The following UFC1 variants were observed in gnomAD, a reference collection of about 807,000 sequenced individuals.
UFC1 encodes ubiquitin-fold modifier conjugating enzyme 1.
In UFC1, 22 loss-of-function variants were observed where a neutral mutation model predicts 28.0. The ratio of observed to expected loss-of-function variants is 0.78; its 90% CI spans 0.56 to 1.12. UFC1 has a LOEUF of 1.12. UFC1 is among the 50% of genes most tolerant of loss of function. UFC1 has a pLI of 0.00. For synonymous variants in UFC1, 61 were observed against 74.5 expected (o/e 0.82, Z 0.93); for missense variants, 189 against 207.8 (o/e 0.91, Z 0.56).
intron 1 of UFC1, among the ~76,000 whole-genome samples, chr1:161,156,423 C>T (rs1233557373): frequency 8.6e-5 from 13 of 150,956 alleles, no homozygotes; most frequent in Admixed American, 8.6e-4. Context: ...CCTGTAGTTC[C>T]AGCTACTTGA....
At position 161,158,657 on chromosome 1, in the gene UFC1, C is replaced by A. The variant is rs1012791872; in HGVS notation, c.*165C>A. 2.9e-6 allele frequency: 2 copies of A among 689,942 alleles called. No individual in the cohort carries two copies. The highest frequency in any genetic ancestry group is 3.5e-5 in the African/African-American group (2 of 56,770). The allele number at this position is 689,942 out of a possible 1,614,324, so 42.7% of individuals were successfully genotyped here. A position where few individuals can be genotyped will look rare whatever the true frequency, so the allele number is the denominator to read the frequency against. On this transcript the variant is annotated 3_prime_UTR_variant, in exon 6 of 6. Transcript: ENST00000368003. ...TTGCTGGGGAAGAAACAAACACACA[C>A]CAAACAGTACTGCTACTTAGTTTCT...
At position 161,154,097 on chromosome 1, in the gene UFC1, G is replaced by A. The variant is rs1657438212; in HGVS notation, c.100G>A (p.Glu34Lys). ...TGAGTTGTGGGTGCAGCGACTGAAGGAGGAATATCAGTCCCTTATCCGGGT... is the reference window on the plus strand; with the variant it reads ...TGAGTTGTGGGTGCAGCGACTGAAGAAGGAATATCAGTCCCTTATCCGGGT... ...DRELWVQRLKEEYQSLIRYVE... is the reference protein window; with the variant it reads ...DRELWVQRLKKEYQSLIRYVE... The change falls in exon 1 of 6, where the codon GAG becomes AAG. Residue 34 changes from glutamate to lysine, a missense_variant. Physicochemically the swap from Glu to Lys is moderately conservative, Grantham distance 56. Coordinates refer to ENST00000368003, the MANE Select transcript of UFC1 (RefSeq NM_016406.4). The A allele has an allele frequency of 1.2e-6, 2 of 1,614,114 alleles. No homozygotes were observed. The highest frequency in any genetic ancestry group is 1.7e-6 in the Non-Finnish European group (2 of 1,180,016).
intron 1 of UFC1, 100 bp downstream of exon 1, chr1:161,154,220 A>G (rs1657443750): frequency 1.3e-6 from 2 of 1,534,086 alleles, no homozygotes; most frequent in Non-Finnish European, 1.8e-6. Context: ...CCGGTTTTTA[A>G]GTTTAACGCC....
In UFC1 at chr1:161,158,555, G is replaced by T; in HGVS notation, c.*63G>T. 5 of 1,569,116 alleles carry T rather than the reference G, an allele frequency of 3.2e-6. No homozygotes were observed. In the Admixed American group the frequency reaches 8.4e-5, roughly 26 times the overall value. On this transcript the variant is annotated 3_prime_UTR_variant, in exon 6 of 6. Coordinates refer to ENST00000368003, the MANE Select transcript of UFC1 (RefSeq NM_016406.4). ...ATAGGCTACGATACTATTTTCCTGT[G>T]CATCACACTTAACTCATCTAACTGC... is the stretch of plus-strand genomic sequence containing the variant.
In UFC1 at chr1:161,157,284, C is replaced by G; in HGVS notation, c.222C>G (p.Asp74Glu). The stretch of plus-strand genomic sequence containing the variant: ...TTGGAAAATGCTGGTATATCCATGA[C>G]CTCCTGAAATATGAGTTTGACATCG... ...RWFGKCWYIH[D>E]LLKYEFDIEF... Residue 74 changes from aspartate to glutamate, a missense_variant, in exon 3 of 6, where the codon GAC becomes GAG. Physicochemically the swap from Asp to Glu is conservative, Grantham distance 45. Transcript: ENST00000368003. 1 of 1,614,210 alleles carries G rather than the reference C, an allele frequency of 6.2e-7. No homozygotes were observed. Among genetic ancestry groups the G allele is most frequent in the Non-Finnish European group, 8.5e-7 (1 of 1,180,046 alleles).
intron 3 of UFC1, 130 bp downstream of exon 3, chr1:161,157,447 G>A: frequency 7.4e-7 from 1 of 1,360,188 alleles, no homozygotes; most frequent in Non-Finnish European, 1.0e-6. Flanking sequence ...TGAGGTTTGA[G>A]GCAAGCATAA....
chr1:161,157,476 C>T, intron 3 of UFC1, 141 bp from the exon 4 acceptor site: 2 of 1,253,912 alleles, frequency 1.6e-6, no homozygotes, highest in South Asian at 1.3e-5. Flanking sequence ...TACTCATCTC[C>T]ACATCCAGAA....
chr1:161,154,092 T>G lies in UFC1; in HGVS notation c.95T>G (p.Leu32Arg). Residue 32 changes from leucine to arginine, a missense_variant, in exon 1 of 6, where the codon CTG (leucine) becomes CGG (arginine). Physicochemically the swap from Leu to Arg is moderately radical, Grantham distance 102 (BLOSUM62 -2). Transcript: ENST00000368003. ...GATCGTGAGTTGTGGGTGCAGCGAC[T>G]GAAGGAGGAATATCAGTCCCTTATC... ...PRDRELWVQR[L>R]KEEYQSLIRY... The G allele has an allele frequency of 2.5e-6, 4 of 1,613,928 alleles. No homozygotes were observed. Among genetic ancestry groups the G allele is most frequent in the Non-Finnish European group, 3.4e-6 (4 of 1,179,990 alleles).
At chr1:161,155,223 GA>G (rs1310748167) in intron 1 of UFC1, among the ~76,000 whole-genome samples, 1 of 152,222 alleles carries the variant, frequency 6.6e-6, no homozygotes, top group Non-Finnish European at 1.5e-5. Context: ...TTTCCTGGAA[GA>G]GGTAATGCTT....
Position 161,157,708 on chromosome 1 carries a change from G to A in UFC1, c.332+15G>A, listed in dbSNP as rs777151385. 1.9e-6 allele frequency: 3 copies of A among 1,611,304 alleles called. No homozygotes were observed. The highest frequency in any genetic ancestry group is 1.7e-6 in the Non-Finnish European group (2 of 1,177,748). On this transcript the variant is annotated intron_variant, in intron 4 of 5. Transcript: ENST00000368003. ...AAGATGTACAGGTAGGACTGAATAG[G>A]AGATGGCAAAGAGTCAAAGAAAGCC...
chr1:161,158,098 CCTT>C lies in UFC1; in HGVS notation c.333-18_333-16del, dbSNP rs779224516. On this transcript the variant is annotated intron_variant, in intron 4 of 5. Coordinates refer to ENST00000368003, the MANE Select transcript of UFC1 (RefSeq NM_016406.4). ...TTATGGTAAACTTTGCATGTCAACA[CCTT>C]CTTCATGTCCCTCTCATAGGGGTGG... is the stretch of plus-strand genomic sequence containing the variant. 2 of 1,607,290 alleles carry C rather than the reference CCTT, an allele frequency of 1.2e-6. No individual in the cohort carries two copies. The highest frequency in any genetic ancestry group is 1.7e-5 in the Admixed American group (1 of 59,994).
intron 1 of UFC1, among the ~76,000 whole-genome samples, chr1:161,156,020 G>C (rs1439095373): frequency 6.6e-6 from 1 of 152,140 alleles, no homozygotes; most frequent in Non-Finnish European, 1.5e-5. Context: ...GGCTAGAAGG[G>C]AGTTACCCAG....
chr1:161,158,654 A>C lies in UFC1; in HGVS notation c.*162A>C. On this transcript the variant is annotated 3_prime_UTR_variant, in exon 6 of 6. Transcript: ENST00000368003. ...GCATTGCTGGGGAAGAAACAAACAC[A>C]CACCAAACAGTACTGCTACTTAGTT... 1 of 709,076 alleles carries C rather than the reference A, an allele frequency of 1.4e-6. No homozygotes were observed. The highest frequency in any genetic ancestry group is 2.4e-6 in the Non-Finnish European group (1 of 409,062). The allele number at this position is 709,076 out of a possible 1,614,324, so 43.9% of individuals were successfully genotyped here. A position where few individuals can be genotyped will look rare whatever the true frequency, so the allele number is the denominator to read the frequency against.
chr1:161,157,774 G>C, intron 4 of UFC1, 81 bp downstream of exon 4: 4 of 1,179,150 alleles, frequency 3.4e-6, no homozygotes, highest in Non-Finnish European at 5.0e-6. Flanking sequence ...GCATCAGGAA[G>C]AATAGCTAAT....
At chr1:161,156,042 A>G (rs1197461301) in intron 1 of UFC1, among the ~76,000 whole-genome samples, 1 of 152,202 alleles carries the variant, frequency 6.6e-6, no homozygotes, top group Non-Finnish European at 1.5e-5. Flanking sequence ...GAAGGAGTCT[A>G]TCATTAAATG....
At chr1:161,158,347 G>A in intron 5 of UFC1, 65 bp from the exon 6 acceptor site, 2 of 1,594,224 alleles carry the variant, frequency 1.3e-6, no homozygotes, top group Non-Finnish European at 1.7e-6. Context: ...CTCCAGGAAG[G>A]AGCTTCTAAT....
intron 3 of UFC1, 47 bp downstream of exon 3, chr1:161,157,364 G>C: frequency 1.3e-6 from 2 of 1,596,194 alleles, no homozygotes; most frequent in Non-Finnish European, 8.6e-7. Context: ...GAAGGGGAGG[G>C]ATTAGATGAT....
rs772749497 is a variant in UFC1, at chr1:161,158,506, T to C, written c.*14T>C. ...TGCAACCAATGAAGAATCAAGCCAC[T>C]GAGGCAGGGCAGAGGGACCTTTGAT... On this transcript the variant is annotated 3_prime_UTR_variant, in exon 6 of 6. Coordinates refer to ENST00000368003, the MANE Select transcript of UFC1 (RefSeq NM_016406.4). The C allele has an allele frequency of 1.2e-6, 2 of 1,614,038 alleles. No individual in the cohort carries two copies. The highest frequency in any genetic ancestry group is 3.3e-5 in the Admixed American group (2 of 60,022).
chr1:161,154,771 G>A (rs1176455647), intron 1 of UFC1, among the ~76,000 whole-genome samples: 2 of 152,170 alleles, frequency 1.3e-5, no homozygotes, highest in African/African-American at 2.4e-5. Context: ...TTACAGGCGT[G>A]AGCCACCGCG....
Sources: allele counts gnomAD v4.1 joint callset (sites outside exome capture counted in the v4.1 genomes callset), GRCh38; gene constraint gnomAD v4.1.1; transcripts MANE v1.5; gene names NCBI Gene and HGNC (gene_info 2026-07-23, HGNC 2026-07-21).